Variants in PDE1C observed in about 807,000 individuals in gnomAD.
PDE1C encodes phosphodiesterase 1C, also known as dual specificity calcium/calmodulin-dependent 3',5'-cyclic nucleotide phosphodiesterase 1C.
PDE1C carries 62 observed loss-of-function variants against 93.1 expected under a neutral mutation model. The observed-to-expected ratio is 0.67, with a 90% CI of 0.54 to 0.82. The LOEUF (loss-of-function observed/expected upper bound fraction) is 0.82, where lower values mean the gene tolerates loss of function less well. PDE1C is among the 40% of genes least tolerant of loss of function. The pLI is 0.00. For missense variants in PDE1C, 742 were observed against 884.6 expected, an observed-to-expected ratio of 0.84 and a Z score of 2.04; for synonymous variants, 325 against 310.1, an observed-to-expected ratio of 1.05 and a Z score of -0.50.
intron 1 of PDE1C, among the ~76,000 whole-genome samples, chr7:32,056,724 T>C (rs976470470): frequency 1.6e-4 from 25 of 152,328 alleles, no homozygotes; most frequent in African/African-American, 5.1e-4. Flanking sequence ...TAAATAATAA[T>C]GGCATTATAA....
chr7:32,200,573 C>T (rs1342748432), intron 2 of PDE1C, among the ~76,000 whole-genome samples: 1 of 152,184 alleles, frequency 6.6e-6, no homozygotes, highest in Non-Finnish European at 1.5e-5. Context: ...CTTGTGGCTT[C>T]CAACAACAAC....
intron 3 of PDE1C, among the ~76,000 whole-genome samples, chr7:32,140,986 C>T (rs574114343): frequency 6.6e-6 from 1 of 152,374 alleles, no homozygotes; most frequent in South Asian, 2.1e-4. Flanking sequence ...TAAGACTCCT[C>T]ATTTGGTTGC....
chr7:32,392,182 A>G (rs1784762026), intron 1 of PDE1C, among the ~76,000 whole-genome samples: 1 of 152,170 alleles, frequency 6.6e-6, no homozygotes, highest in African/African-American at 2.4e-5. Context: ...TAAAGAAAAT[A>G]CTATAAAGAA....
the PDE1C span, among the ~76,000 whole-genome samples, chr7:31,631,773 C>G: frequency 6.6e-6 from 1 of 152,202 alleles, no homozygotes; most frequent in African/African-American, 2.4e-5. Flanking sequence ...TCAAATGTTA[C>G]GTAGAAATCT....
intron 1 of PDE1C, among the ~76,000 whole-genome samples, chr7:32,407,058 G>A (rs529224052): frequency 5.9e-5 from 9 of 152,206 alleles, no homozygotes; most frequent in African/African-American, 1.7e-4. Context: ...GGCGAATCAC[G>A]AGGTCAGGAG....
chr7:31,661,393 T>G, the PDE1C span, among the ~76,000 whole-genome samples: 1 of 152,156 alleles, frequency 6.6e-6, no homozygotes, highest in African/African-American at 2.4e-5. Context: ...TAGGGAAAGA[T>G]AGTCTTTGGA....
chr7:32,242,559 A>T (rs1264160618), intron 1 of PDE1C, among the ~76,000 whole-genome samples: 3 of 152,248 alleles, frequency 2.0e-5, no homozygotes, highest in Admixed American at 6.5e-5. Context: ...AAACTATGAC[A>T]AAAATGGTGG....
intron 17 of PDE1C, among the ~76,000 whole-genome samples, chr7:31,759,681 T>G (rs1471554819): frequency 1.3e-5 from 2 of 152,212 alleles, no homozygotes; most frequent in Non-Finnish European, 2.9e-5. Flanking sequence ...AGCCAAAAAT[T>G]GATACATCAC....
intron 7 of PDE1C, chr7:31,850,959 G>A: frequency 2.1e-6 from 1 of 474,714 alleles, no homozygotes; most frequent in South Asian, 2.4e-5. Flanking sequence ...AATAAGCTAA[G>A]TAGTAGTTTT....
intron 2 of PDE1C, among the ~76,000 whole-genome samples, chr7:32,031,763 G>C (rs1790351564): frequency 6.6e-6 from 1 of 152,140 alleles, no homozygotes; most frequent in African/African-American, 2.4e-5. Flanking sequence ...ATGTGAATGT[G>C]AGGTATGGAA....
At chr7:31,985,463 T>G (rs1188687896) in intron 2 of PDE1C, among the ~76,000 whole-genome samples, 2 of 152,212 alleles carry the variant, frequency 1.3e-5, no homozygotes, top group Non-Finnish European at 2.9e-5. Context: ...AGGGAACATG[T>G]GCACAACATG....
chr7:31,673,085 C>A, the PDE1C span, among the ~76,000 whole-genome samples: 1 of 152,180 alleles, frequency 6.6e-6, no homozygotes, highest in Non-Finnish European at 1.5e-5. Flanking sequence ...AACTAAACCT[C>A]TTTCCTTCCT....
intron 1 of PDE1C, among the ~76,000 whole-genome samples, chr7:32,397,204 A>G (rs910708871): frequency 1.3e-5 from 2 of 152,236 alleles, no homozygotes; most frequent in Non-Finnish European, 2.9e-5. Context: ...TTCATAACAT[A>G]TAACAGATAA....
intron 2 of PDE1C, among the ~76,000 whole-genome samples, chr7:31,936,753 A>G (rs1805143644): frequency 6.6e-6 from 1 of 152,180 alleles, no homozygotes; most frequent in Non-Finnish European, 1.5e-5. Flanking sequence ...GTTCTGGCAC[A>G]CTATAAATAT....
intron 2 of PDE1C, among the ~76,000 whole-genome samples, chr7:32,206,673 C>G (rs975109733): frequency 6.6e-6 from 1 of 152,174 alleles, no homozygotes; most frequent in Non-Finnish European, 1.5e-5. Context: ...CATGCGGCAC[C>G]CATGTGAGGT....
At chr7:31,645,084 A>C in the PDE1C span, among the ~76,000 whole-genome samples, 3 of 152,236 alleles carry the variant, frequency 2.0e-5, no homozygotes, top group Non-Finnish European at 2.9e-5. Flanking sequence ...AGAGAGTTTA[A>C]ATAATTATCT....
intron 17 of PDE1C, among the ~76,000 whole-genome samples, chr7:31,757,782 C>A (rs1277980173): frequency 6.6e-6 from 1 of 152,170 alleles, no homozygotes; most frequent in Non-Finnish European, 1.5e-5. Context: ...CTTGACCCAG[C>A]CATCCCATTA....
intron 2 of PDE1C, among the ~76,000 whole-genome samples, chr7:32,191,486 G>A (rs1211117626): frequency 2.0e-5 from 3 of 151,966 alleles, no homozygotes; most frequent in Non-Finnish European, 4.4e-5. Context: ...CACACAATAT[G>A]TAACCTTAGG....
intron 2 of PDE1C, among the ~76,000 whole-genome samples, chr7:32,043,264 G>T (rs531678908): frequency 6.6e-6 from 1 of 152,292 alleles, no homozygotes; most frequent in South Asian, 2.1e-4. Context: ...AGCTGCTGCT[G>T]CTGGAAGTTG....
Sources: allele counts gnomAD v4.1 joint callset (sites outside exome capture counted in the v4.1 genomes callset), GRCh38; gene constraint gnomAD v4.1.1; transcripts MANE v1.5; gene names NCBI Gene and HGNC (gene_info 2026-07-23, HGNC 2026-07-21).